Variants in SCN11A observed in about 807,000 individuals in gnomAD.
SCN11A encodes sodium channel protein type 11 subunit alpha.
Under a neutral mutation model 162.2 loss-of-function variants are expected in SCN11A, and 122 were observed. That is an observed-to-expected ratio of 0.75 (90% CI 0.65 to 0.87). The LOEUF (loss-of-function observed/expected upper bound fraction) is 0.87, where lower values mean the gene tolerates loss of function less well. Ranked by LOEUF, SCN11A falls within the 40% of genes least tolerant of loss-of-function variation. The pLI is 0.00. For synonymous variants in SCN11A, 758 were observed against 751.5 expected (o/e 1.01, Z -0.14); for missense variants, 2,015 against 2,181.6 (o/e 0.92, Z 1.52).
At chr3:38,874,686 C>T (rs951736977) in intron 23 of SCN11A, among the ~76,000 whole-genome samples, 6 of 152,138 alleles carry the variant, frequency 3.9e-5, no homozygotes, top group Non-Finnish European at 7.3e-5. Flanking sequence ...TTTCATCATA[C>T]GTTTATTCCT....
intron 7 of SCN11A, among the ~76,000 whole-genome samples, chr3:38,935,855 C>T (rs1256567499): frequency 6.6e-6 from 1 of 152,196 alleles, no homozygotes; most frequent in Admixed American, 6.5e-5. Context: ...GGGACTCCTC[C>T]CTAACTCATT....
chr3:38,909,279 G>A, intron 12 of SCN11A, 85 bp from the exon 13 acceptor site: 1 of 1,253,554 alleles, frequency 8.0e-7, no homozygotes, highest in Non-Finnish European at 1.1e-6. Context: ...CCACACAGTA[G>A]CAGACAACTG....
chr3:38,984,791 G>A (rs995701892), intron 2 of SCN11A, among the ~76,000 whole-genome samples: 3 of 152,174 alleles, frequency 2.0e-5, no homozygotes, highest in South Asian at 2.1e-4. Flanking sequence ...GATTACAGGC[G>A]TGAGCCACTG....
chr3:38,885,466 C>A, intron 20 of SCN11A, 64 bp from the exon 21 acceptor site: 1 of 870,840 alleles, frequency 1.1e-6, no homozygotes, highest in Non-Finnish European at 1.9e-6. Flanking sequence ...CATAGTAGTA[C>A]GGAGTTTCTC....
chr3:38,865,183 T>C (rs2065022633), intron 27 of SCN11A, among the ~76,000 whole-genome samples: 2 of 152,210 alleles, frequency 1.3e-5, no homozygotes, highest in Non-Finnish European at 2.9e-5. Flanking sequence ...GTGATGGGTA[T>C]TTTAGGTTAA....
intron 28 of SCN11A, among the ~76,000 whole-genome samples, chr3:38,855,297 T>C (rs976345697): frequency 6.6e-6 from 1 of 152,158 alleles, no homozygotes; most frequent in African/African-American, 2.4e-5. Context: ...GAGGTAGCCA[T>C]AATCCCCTCT....
intron 2 of SCN11A, among the ~76,000 whole-genome samples, chr3:39,014,569 A>C (rs553132249): frequency 6.8e-4 from 104 of 152,334 alleles, no homozygotes; most frequent in African/African-American, 2.4e-3. Flanking sequence ...TCTTTAGCAG[A>C]TCATTCTACC....
Position 38,934,971 on chromosome 3 carries a change from G to C in SCN11A, c.489-8040C>G, listed in dbSNP as rs964927423. Among the ~76,000 whole-genome samples, 13 of 151,352 alleles carry C rather than the reference G, an allele frequency of 8.6e-5. No homozygotes were observed. The East Asian group carries it at 9.7e-4, about 11-fold the overall frequency. On this transcript the variant is annotated intron_variant, in intron 7 of 29. Coordinates refer to ENST00000302328, the MANE Select transcript of SCN11A (RefSeq NM_001349253.2). ...CACCTATTCCAAAATTGACCACATA[G>C]TTGGAAGTAAAGCTCTCCTCAGCAA... is the stretch of plus-strand genomic sequence containing the variant.
At chr3:38,937,627 C>T (rs1372863284) in intron 7 of SCN11A, among the ~76,000 whole-genome samples, 1 of 151,276 alleles carries the variant, frequency 6.6e-6, no homozygotes, top group East Asian at 1.9e-4. Context: ...AAAAAATGCT[C>T]ACCATCACTG....
chr3:38,995,819 GTCTATCTATCTA>G (rs373221139), intron 2 of SCN11A, among the ~76,000 whole-genome samples: 1 of 141,646 alleles, frequency 7.1e-6, no homozygotes, highest in East Asian at 2.1e-4. Context: ...CTATCTATCT[GTCTATCTATCTA>G]TCTATCTATC....
intron 11 of SCN11A, among the ~76,000 whole-genome samples, chr3:38,913,562 T>C (rs1023876050): frequency 3.3e-5 from 5 of 152,210 alleles, no homozygotes; most frequent in African/African-American, 1.2e-4. Context: ...CATCATGAAA[T>C]ATTTGCCCAT....
At chr3:38,952,620 C>G (rs559539282) in intron 4 of SCN11A, among the ~76,000 whole-genome samples, 69 of 152,350 alleles carry the variant, frequency 4.5e-4, no homozygotes, top group Non-Finnish European at 7.9e-4. Flanking sequence ...AATGCTACTA[C>G]AGAGAGAAGT....
intron 2 of SCN11A, among the ~76,000 whole-genome samples, chr3:39,011,892 C>T (rs571246212): frequency 4.1e-4 from 63 of 152,108 alleles, no homozygotes; most frequent in Non-Finnish European, 5.3e-4. Flanking sequence ...TATGTTCTAC[C>T]AATAATATTC....
chr3:38,921,639 A>G (rs2066054166), intron 9 of SCN11A, among the ~76,000 whole-genome samples: 1 of 152,182 alleles, frequency 6.6e-6, no homozygotes, highest in Non-Finnish European at 1.5e-5. Context: ...TGTATTTAAC[A>G]TTTAGTAGAT....
chr3:38,914,598 A>G (rs2065933163), intron 11 of SCN11A, among the ~76,000 whole-genome samples: 1 of 152,134 alleles, frequency 6.6e-6, no homozygotes, highest in East Asian at 1.9e-4. Flanking sequence ...GCTTTTCCCC[A>G]TTCAGTATGA....
In SCN11A at chr3:38,910,512, A is replaced by T. The variant is rs566028259; in HGVS notation, c.960-305T>A. Among the ~76,000 whole-genome samples, 4 of 152,010 alleles carry T rather than the reference A, an allele frequency of 2.6e-5. No homozygotes were observed. In the South Asian group the frequency reaches 8.3e-4, roughly 31 times the overall value. Reference sequence around the variant, plus strand: ...CCTCTCTTCCCAGTTTCCTGATCCCACTTCTTAGAGGCAATAGTTAACAGT... The same window carrying T: ...CCTCTCTTCCCAGTTTCCTGATCCCTCTTCTTAGAGGCAATAGTTAACAGT... On this transcript the variant is annotated intron_variant, in intron 11 of 29. Transcript: ENST00000302328.
In SCN11A at chr3:39,044,909, G is replaced by A. The variant is rs538358546; in HGVS notation, c.-404+6952C>T. 2.0e-5 allele frequency among the ~76,000 whole-genome samples: 3 copies of A among 149,910 alleles called. No individual in the cohort carries two copies. The South Asian group carries it at 6.4e-4, about 32-fold the overall frequency. On this transcript the variant is annotated intron_variant, in intron 1 of 29. Transcript: ENST00000302328. ...AAAAGATAATATCCACAAACCACTAGCTAGAGTAATTTTAAAAAAAGAGAG... is the reference window on the plus strand; with the variant it reads ...AAAAGATAATATCCACAAACCACTAACTAGAGTAATTTTAAAAAAAGAGAG...
At chr3:38,949,479 A>G (rs1575327437) in intron 5 of SCN11A, among the ~76,000 whole-genome samples, 1 of 152,302 alleles carries the variant, frequency 6.6e-6, no homozygotes, top group South Asian at 2.1e-4. Context: ...CTTAGGTTTC[A>G]TTTATTGAGC....
At chr3:39,015,768 G>A (rs969657480) in intron 2 of SCN11A, among the ~76,000 whole-genome samples, 1 of 152,122 alleles carries the variant, frequency 6.6e-6, no homozygotes, top group Non-Finnish European at 1.5e-5. Flanking sequence ...ACAGAGTCTT[G>A]CTCTGACTCC....
Sources: allele counts gnomAD v4.1 joint callset (sites outside exome capture counted in the v4.1 genomes callset), GRCh38; gene constraint gnomAD v4.1.1; transcripts MANE v1.5; gene names NCBI Gene and HGNC (gene_info 2026-07-23, HGNC 2026-07-21).